TBC1D5: variants seen among roughly 807,000 people sequenced by gnomAD.
The protein encoded by TBC1D5 is TBC1 domain family, member 5.
A neutral mutation model predicts 100.3 loss-of-function variants in TBC1D5; 75 were observed. That is an observed-to-expected ratio of 0.75 (90% CI 0.62 to 0.91). The LOEUF (loss-of-function observed/expected upper bound fraction) is 0.91, where lower values mean the gene tolerates loss of function less well. Among genes scored for constraint, TBC1D5 ranks in the 40% least tolerant of loss-of-function variants. TBC1D5 has a pLI of 0.00. For missense variants in TBC1D5, 910 were observed against 942.4 expected, an observed-to-expected ratio of 0.97 and a Z score of 0.45; for synonymous variants, 323 against 325.6, an observed-to-expected ratio of 0.99 and a Z score of 0.09.
chr3:17,594,135 C>T (rs192223529), intron 2 of TBC1D5, among the ~76,000 whole-genome samples: 1 of 152,316 alleles, frequency 6.6e-6, no homozygotes, highest in African/African-American at 2.4e-5. Context: ...GCCACCTGGA[C>T]ACTTTGGGCA....
chr3:17,718,209 GT>G (rs1442098283), intron 1 of TBC1D5, among the ~76,000 whole-genome samples: 1 of 152,118 alleles, frequency 6.6e-6, no homozygotes. Context: ...ATTCCCAAAG[GT>G]TTTTCCTAAA....
chr3:17,715,825 G>A (rs1182838368), intron 1 of TBC1D5, among the ~76,000 whole-genome samples: 3 of 151,998 alleles, frequency 2.0e-5, no homozygotes, highest in African/African-American at 2.4e-5. Context: ...GGGGGAGGCC[G>A]AGGTGGGAGG....
chr3:17,591,267 C>CAAAAAAAA (rs370530999), intron 2 of TBC1D5, among the ~76,000 whole-genome samples: 1 of 78,306 alleles, frequency 1.3e-5, no homozygotes, highest in Non-Finnish European at 2.4e-5. Context: ...AAAAAAAAAA[C>CAAAAAAAA]AAAAACCCCA....
At chr3:17,621,676 C>G (rs2062669316) in intron 2 of TBC1D5, among the ~76,000 whole-genome samples, 1 of 151,962 alleles carries the variant, frequency 6.6e-6, no homozygotes, top group South Asian at 2.1e-4. Flanking sequence ...TGTCCTGTCT[C>G]TAGCACTCCA....
chr3:17,316,936 G>C (rs1242227181), intron 13 of TBC1D5, among the ~76,000 whole-genome samples: 1 of 152,066 alleles, frequency 6.6e-6, no homozygotes, highest in Non-Finnish European at 1.5e-5. Context: ...AGTGTGGCAG[G>C]TACTGTGCTA....
chr3:17,531,171 G>T (rs139213030), intron 2 of TBC1D5, among the ~76,000 whole-genome samples: 10,505 of 152,234 alleles, frequency 0.069, 715 homozygotes, highest in African/African-American at 0.18. Context: ...AAAAGCACAA[G>T]CATTCTTATA....
chr3:17,487,786 G>T (rs1301841370), intron 3 of TBC1D5, among the ~76,000 whole-genome samples: 4 of 152,158 alleles, frequency 2.6e-5, no homozygotes, highest in Non-Finnish European at 5.9e-5. Flanking sequence ...AATGGAAGAA[G>T]AATCCTGGGA....
intron 3 of TBC1D5, among the ~76,000 whole-genome samples, chr3:17,472,375 T>A (rs1205150802): frequency 6.6e-6 from 1 of 152,094 alleles, no homozygotes; most frequent in African/African-American, 2.4e-5. Context: ...CTTGACCTCA[T>A]GATCCGCCCA....
intron 2 of TBC1D5, among the ~76,000 whole-genome samples, chr3:17,567,177 T>A (rs1463235837): frequency 6.6e-6 from 1 of 151,838 alleles, no homozygotes; most frequent in Non-Finnish European, 1.5e-5. Flanking sequence ...ATTTTGTTTC[T>A]AAATAGACAT....
chr3:17,349,796 T>G (rs187141289), intron 13 of TBC1D5, among the ~76,000 whole-genome samples: 1 of 152,314 alleles, frequency 6.6e-6, no homozygotes, highest in African/African-American at 2.4e-5. Context: ...GAGAAGTCAC[T>G]TTAACTCACA....
At chr3:17,541,252 T>A (rs886153373) in intron 2 of TBC1D5, among the ~76,000 whole-genome samples, 1 of 151,788 alleles carries the variant, frequency 6.6e-6, no homozygotes, top group East Asian at 1.9e-4. Context: ...AATCTGTAGA[T>A]TGCTTTGGGT....
At chr3:17,455,278 G>GTGTATATA (rs201407622) in intron 3 of TBC1D5, among the ~76,000 whole-genome samples, 3,099 of 144,760 alleles carry the variant, frequency 0.021, 121 homozygotes, top group African/African-American at 0.073. Context: ...ACATATATGT[G>GTGTATATA]TGTATATATG....
intron 2 of TBC1D5, chr3:17,561,896 A>G (rs2096561582): frequency 6.6e-6 from 1 of 152,238 alleles, no homozygotes; most frequent in Non-Finnish European, 1.5e-5. Flanking sequence ...AAGATTAGAA[A>G]GTCTATTAAC....
intron 3 of TBC1D5, among the ~76,000 whole-genome samples, chr3:17,449,668 G>C (rs1281837428): frequency 6.6e-6 from 1 of 152,178 alleles, no homozygotes; most frequent in African/African-American, 2.4e-5. Context: ...GCTGTAGCCA[G>C]GCTGCTTCTC....
In TBC1D5 at chr3:17,383,787, T is replaced by C. The variant is rs149045971; in HGVS notation, c.612+126A>G. On this transcript the variant is annotated intron_variant, in intron 9 of 21. Coordinates refer to ENST00000253692, the Ensembl canonical transcript of TBC1D5. ...TCACCATGCAGCTGACAAGCAACTCTCTGATTGCTTTAGCATTATGATACA... is the reference window on the plus strand; with the variant it reads ...TCACCATGCAGCTGACAAGCAACTCCCTGATTGCTTTAGCATTATGATACA... 70 of 620,180 alleles carry C rather than the reference T, an allele frequency of 1.1e-4. No homozygotes were observed. In the East Asian group the frequency reaches 2.0e-3, roughly 18 times the overall value. The allele number at this position is 620,180 out of a possible 1,614,324, so 38.4% of individuals were successfully genotyped here. A position where few individuals can be genotyped will look rare whatever the true frequency, so the allele number is the denominator to read the frequency against.
chr3:17,202,536 C>T (rs1178019200), intron 18 of TBC1D5, among the ~76,000 whole-genome samples: 1 of 152,228 alleles, frequency 6.6e-6, no homozygotes, highest in Non-Finnish European at 1.5e-5. Flanking sequence ...TGAAAAATGT[C>T]TCAAAGGCAT....
chr3:17,564,527 C>G (rs1402295993), intron 2 of TBC1D5, among the ~76,000 whole-genome samples: 1 of 152,120 alleles, frequency 6.6e-6, no homozygotes, highest in Admixed American at 6.6e-5. Context: ...AATGAATGTA[C>G]AAGCTAAAAT....
At chr3:17,531,753 A>C (rs973560508) in intron 2 of TBC1D5, among the ~76,000 whole-genome samples, 2 of 152,234 alleles carry the variant, frequency 1.3e-5, no homozygotes, top group Admixed American at 6.5e-5. Context: ...CCTATTTAAT[A>C]AATGGTGCTG....
At chr3:17,344,867 T>C (rs541396369) in intron 13 of TBC1D5, among the ~76,000 whole-genome samples, 5 of 152,112 alleles carry the variant, frequency 3.3e-5, no homozygotes, top group African/African-American at 4.8e-5. Flanking sequence ...TAGCCATATG[T>C]AGAAAGCTGA....
Sources: gnomAD v4.1 joint callset for allele counts (sites outside exome capture counted in the v4.1 genomes callset) on GRCh38, gnomAD v4.1.1 for gene constraint, MANE v1.5 for transcripts, NCBI Gene and HGNC (gene_info 2026-07-23, HGNC 2026-07-21) for gene names.